Variants in ARHGEF7 observed in about 807,000 individuals in gnomAD.
The protein encoded by ARHGEF7 is Rho guanine nucleotide exchange factor 7.
In ARHGEF7, 33 loss-of-function variants were observed where a neutral mutation model predicts 109.8. That is an observed-to-expected ratio of 0.30 (90% confidence interval 0.23 to 0.40). The LOEUF is 0.40. Ranked by LOEUF, ARHGEF7 falls within the 10% of genes least tolerant of loss-of-function variation. The probability of loss-of-function intolerance (pLI) is 1.00; values close to 1 mark genes in which losing one functional copy is unlikely to be tolerated. For synonymous variants in ARHGEF7, 458 were observed against 424.6 expected (o/e 1.08, Z -0.97); for missense variants, 938 against 1,098.5 (o/e 0.85, Z 2.07).
chr13:111,138,698 T>G (rs1382319416), intron 1 of ARHGEF7, among the ~76,000 whole-genome samples: 1 of 152,134 alleles, frequency 6.6e-6, no homozygotes, highest in Non-Finnish European at 1.5e-5. Flanking sequence ...ATTGCTCAAT[T>G]TCAGTCCAGC....
chr13:111,283,414 G>C (rs774839830), intron 16 of ARHGEF7, 51 bp downstream of exon 16: 1 of 1,524,134 alleles, frequency 6.6e-7, no homozygotes, highest in Non-Finnish European at 8.8e-7. Context: ...GCATGCCTCG[G>C]GCCCTGGGTG....
At chr13:111,180,526 A>G (rs2078631731) in intron 2 of ARHGEF7, among the ~76,000 whole-genome samples, 1 of 152,250 alleles carries the variant, frequency 6.6e-6, no homozygotes, top group Non-Finnish European at 1.5e-5. Context: ...TGCTGCTTCC[A>G]GAGGAGCTTC....
At chr13:111,280,093 ATTAT>A (rs2092701518) in intron 13 of ARHGEF7, among the ~76,000 whole-genome samples, 175 bp from the exon 14 acceptor site, 1 of 152,102 alleles carries the variant, frequency 6.6e-6, no homozygotes, top group Non-Finnish European at 1.5e-5. Context: ...ATTATAATTT[ATTAT>A]TTGAGATAAA....
rs1025640291 is a variant in ARHGEF7 at position 111,239,264 on chromosome 13, T to C, written c.760-4608T>C. ...ATCACTTTCCCTGTTATTTAGAGCA[T>C]TATTATAATACTGTGAATATAATGT... On this transcript the variant is annotated intron_variant, in intron 6 of 21. Transcript: ENST00000646102. This position sits in a 1 kb window ranked among gnomAD's most constrained non-coding sequence, Gnocchi z 4.3. Among the ~76,000 whole-genome samples, 1 of 152,198 alleles carries C rather than the reference T, an allele frequency of 6.6e-6. No homozygotes were observed. Among genetic ancestry groups the C allele is most frequent in the East Asian group, 1.9e-4 (1 of 5,198 alleles).
chr13:111,149,305 T>A (rs1322156389), intron 1 of ARHGEF7, among the ~76,000 whole-genome samples: 1 of 152,174 alleles, frequency 6.6e-6, no homozygotes, highest in Non-Finnish European at 1.5e-5. Context: ...CTTTGCTTTT[T>A]ATATGTAATA....
rs1298339541 is a variant in ARHGEF7 at position 111,301,625 on chromosome 13, G to T, written c.2466+93G>T. 4.8e-6 allele frequency: 5 copies of T among 1,052,160 alleles called. No homozygotes were observed. The African/African-American group carries it at 7.9e-5, about 17-fold the overall frequency. 65.2% of individuals were successfully genotyped at this position (1,052,160 alleles called of 1,614,324 possible). On this transcript the variant is annotated intron_variant, in intron 21 of 21. Coordinates refer to ENST00000646102, the MANE Select transcript of ARHGEF7 (RefSeq NM_001354046.2). ...AAAAATAAGCTGGCTGGGTACGGTG[G>T]CTCACACCTATAATCCCAGCACTTT...
chr13:111,198,482 G>A (rs1437041753), intron 2 of ARHGEF7, among the ~76,000 whole-genome samples: 1 of 152,094 alleles, frequency 6.6e-6, no homozygotes, highest in Non-Finnish European at 1.5e-5. Flanking sequence ...GATGTGTCCA[G>A]AGTTTCTTCC....
intron 5 of ARHGEF7, among the ~76,000 whole-genome samples, chr13:111,224,720 C>T (rs753247071): frequency 6.6e-5 from 10 of 152,124 alleles, no homozygotes; most frequent in African/African-American, 1.7e-4. Context: ...TTTTGGATGT[C>T]GTTATTAATT....
At chr13:111,229,221 C>G (rs2085671276) in intron 5 of ARHGEF7, among the ~76,000 whole-genome samples, 1 of 152,194 alleles carries the variant, frequency 6.6e-6, no homozygotes, top group African/African-American at 2.4e-5. Flanking sequence ...TTCTCAAGGA[C>G]TACTTCCAGC....
At chr13:111,286,330 T>C (rs2093016487) in intron 17 of ARHGEF7, 90 bp downstream of exon 17, 1 of 1,053,832 alleles carries the variant, frequency 9.5e-7, no homozygotes, top group African/African-American at 1.6e-5. Flanking sequence ...CTTGGTGGCT[T>C]TCTGAAGACT....
rs745519517 is a variant in ARHGEF7, at chr13:111,275,600, C to G, written c.1341C>G (p.Asn447Lys). The G allele has an allele frequency of 5.6e-6, 9 of 1,614,156 alleles. No individual in the cohort carries two copies. The highest frequency in any genetic ancestry group is 1.7e-4 in the Middle Eastern group (1 of 6,058). ...AGATCCTGACGGAAGCCATCCGGAA[C>G]TGGGAGGGCGATGACATTAAAACTC... is the stretch of plus-strand genomic sequence containing the variant. Reference protein sequence around the residue: ...ELQILTEAIRNWEGDDIKTLG... With the variant: ...ELQILTEAIRKWEGDDIKTLG... Residue 447 changes from asparagine (N) to lysine (K), a missense_variant, in exon 12 of 22, where the codon AAC (asparagine) becomes AAG (lysine). Asn to Lys is a moderately conservative substitution (Grantham distance 94). Around this residue, in one of 4 missense-constraint regions of ARHGEF7, gnomAD observed 585 missense variants for 723.6 expected, o/e 0.81. Coordinates refer to ENST00000646102, the MANE Select transcript of ARHGEF7 (RefSeq NM_001354046.2).
intron 19 of ARHGEF7, among the ~76,000 whole-genome samples, chr13:111,295,863 A>T (rs2093416206): frequency 6.6e-6 from 1 of 152,236 alleles, no homozygotes; most frequent in African/African-American, 2.4e-5. Flanking sequence ...AAAGATAATG[A>T]ATTTAAGAAG....
chr13:111,261,955 A>G (rs77506242), intron 8 of ARHGEF7, among the ~76,000 whole-genome samples: 3,265 of 152,310 alleles, frequency 0.021, 119 homozygotes, highest in African/African-American at 0.075. Context: ...CCTATGGGGT[A>G]CAGCAAAAGC....
rs1046806703 is a variant in ARHGEF7, at chr13:111,295,261, G to T, written c.2311+2967G>T. 7.4e-6 allele frequency: 7 copies of T among 948,230 alleles called. No homozygotes were observed. In the South Asian group the frequency reaches 2.9e-4, roughly 40 times the overall value. 58.7% of individuals were successfully genotyped at this position (948,230 alleles called of 1,614,324 possible). ...ATAGTTTGCAGTGTAATATAATTTG[G>T]CTCTTCTACCTGAACGGAACATCTT... On this transcript the variant is annotated intron_variant, in intron 19 of 21. Transcript: ENST00000646102.
intron 19 of ARHGEF7, chr13:111,292,521 T>C: frequency 7.0e-7 from 1 of 1,418,952 alleles, no homozygotes; most frequent in African/African-American, 1.4e-5. Context: ...GACTGACTAT[T>C]GGAGGGAGGT....
intron 5 of ARHGEF7, among the ~76,000 whole-genome samples, chr13:111,222,049 G>A (rs1440234105): frequency 6.6e-6 from 1 of 152,110 alleles, no homozygotes; most frequent in Non-Finnish European, 1.5e-5. Context: ...AGCTGATTAG[G>A]TGGTGCCCAG....
rs560605534 is a variant in ARHGEF7 at position 111,228,809 on chromosome 13, G to A, written c.671-4396G>A. The stretch of plus-strand genomic sequence containing the variant: ...GCACAGAGCCCCAGCACAGAAGGTC[G>A]GAAGAGGACGTGGGAATTCCGAGTT... On this transcript the variant is annotated intron_variant, in intron 5 of 21. Transcript: ENST00000646102. The surrounding 1 kb of genome is among the most constrained non-coding windows in gnomAD (Gnocchi z 4.6). Among the ~76,000 whole-genome samples the A allele has an allele frequency of 1.3e-5, 2 of 152,168 alleles. No individual in the cohort carries two copies. The highest frequency in any genetic ancestry group is 4.1e-4 in the South Asian group (2 of 4,826).
At chr13:111,268,294 G>A (rs935031805) in intron 9 of ARHGEF7, among the ~76,000 whole-genome samples, 2 of 152,086 alleles carry the variant, frequency 1.3e-5, no homozygotes, top group Non-Finnish European at 2.9e-5. Context: ...AGACCACACC[G>A]GGGCTTAGAG....
intron 13 of ARHGEF7, among the ~76,000 whole-genome samples, chr13:111,279,860 T>C (rs2092690982): frequency 6.6e-6 from 1 of 152,254 alleles, no homozygotes; most frequent in Non-Finnish European, 1.5e-5. Flanking sequence ...GACTTTAAAC[T>C]TGGAACTTCC....
Sources: gnomAD v4.1 joint callset for allele counts (sites outside exome capture counted in the v4.1 genomes callset) on GRCh38, gnomAD v4.1.1 for gene constraint, gnomAD v4.1.1 regional missense constraint, Gnocchi (gnomAD v3.1) non-coding constraint, MANE v1.5 for transcripts, NCBI Gene and HGNC (gene_info 2026-07-23, HGNC 2026-07-21) for gene names.